ZG16: variants seen among roughly 807,000 people sequenced by gnomAD.
ZG16 encodes the protein zymogen granule membrane protein 16.
A neutral mutation model predicts 15.6 loss-of-function variants in ZG16; 9 were observed. The ratio of observed to expected loss-of-function variants is 0.58; its 90% CI spans 0.35 to 1.00. ZG16 has a LOEUF of 1.00. Ranked by LOEUF, ZG16 falls within the 50% of genes least tolerant of loss-of-function variation. The pLI, the probability that ZG16 is intolerant of heterozygous loss-of-function variation, is 0.02. For missense variants in ZG16, 174 were observed against 214.8 expected (o/e 0.81, Z 1.19); for synonymous variants, 89 against 87.4 (o/e 1.02, Z -0.10).
chr16:29,778,696 A>C (rs235661), intron 1 of ZG16, among the ~76,000 whole-genome samples: 137,607 of 152,138 alleles, frequency 0.9, 63,731 homozygotes, highest in Non-Finnish European at 1. Context: ...CATAGAGGCA[A>C]CTCTAAAATG....
chr16:29,778,748 A>G (rs1254702726), intron 1 of ZG16, among the ~76,000 whole-genome samples: 1 of 152,072 alleles, frequency 6.6e-6, no homozygotes, highest in South Asian at 2.1e-4. Context: ...GATTTAAACC[A>G]TGCTCCAGGT....
intron 1 of ZG16, 57 bp from the exon 2 acceptor site, chr16:29,779,203 A>G: frequency 6.6e-7 from 1 of 1,521,368 alleles, no homozygotes; most frequent in Non-Finnish European, 8.8e-7. Context: ...TGCCTGGGTC[A>G]ATCAAGTCAA....
In ZG16 at chr16:29,780,984, C is replaced by T. The variant is rs916707007; in HGVS notation, c.*565C>T. On this transcript the variant is annotated 3_prime_UTR_variant, in exon 4 of 4. Coordinates refer to ENST00000400752, the MANE Select transcript of ZG16 (RefSeq NM_152338.4). ...TGTTACCAGGCCCAGTTCCTCCTCA[C>T]CTCTACCCATGAGCCCCGGTGTCCT... is the stretch of plus-strand genomic sequence containing the variant. 2 of 152,744 alleles carry T rather than the reference C, an allele frequency of 1.3e-5. No individual in the cohort carries two copies. Among genetic ancestry groups the T allele is most frequent in the African/African-American group, 2.4e-5 (1 of 41,470 alleles). The allele number at this position is 152,744 out of a possible 1,614,324, so 9.5% of individuals were successfully genotyped here.
chr16:29,780,333 C>T lies in ZG16; in HGVS notation c.418C>T (p.Arg140Cys), dbSNP rs751429376. The T allele has an allele frequency of 1.5e-5, 23 of 1,537,256 alleles. No homozygotes were observed. Among genetic ancestry groups the T allele is most frequent in the Admixed American group, 9.8e-5 (5 of 50,970 alleles). The change falls in exon 4 of 4, where the codon CGC becomes TGC. Residue 140 changes from arginine (R) to cysteine (C), a missense_variant. Physicochemically the swap from Arg to Cys is radical, Grantham distance 180. Coordinates refer to ENST00000400752, the MANE Select transcript of ZG16 (RefSeq NM_152338.4). ...CCCCTTGCACCCCAACACCGTGCTC[C>T]GCTTCATCAGTGGCCGGTCTGGTTC... ...AVPLHPNTVL[R>C]FISGRSGSLI... is the part of the protein sequence containing the mutation.
At position 29,781,751 on chromosome 16, in the gene ZG16, T is replaced by A. The variant is rs2142354525; in HGVS notation, c.*1332T>A. The A allele has an allele frequency of 6.6e-6, 1 of 152,176 alleles. No individual in the cohort carries two copies. The highest frequency in any genetic ancestry group is 2.4e-5 in the African/African-American group (1 of 41,498). 9.4% of individuals were successfully genotyped at this position (152,176 alleles called of 1,614,324 possible). ...GAGACAGCACAACTGCACCCCAGCC[T>A]GGATGACAGAGTGAGACTCCATCTA... On this transcript the variant is annotated 3_prime_UTR_variant, in exon 4 of 4. Transcript: ENST00000400752.
In ZG16 at chr16:29,780,449, TGAG is replaced by T. The variant is rs748047510; in HGVS notation, c.*34_*36del. ...CCTCTCCTTGGCAGGGGCACTGTGA[TGAG>T]GAGTAAGAACTCCCTTATCACTAAC... is the stretch of plus-strand genomic sequence containing the variant. On this transcript the variant is annotated 3_prime_UTR_variant, in exon 4 of 4. Coordinates refer to ENST00000400752, the MANE Select transcript of ZG16 (RefSeq NM_152338.4). The T allele has an allele frequency of 2.0e-6, 3 of 1,498,658 alleles. No homozygotes were observed. Among genetic ancestry groups the T allele is most frequent in the Non-Finnish European group, 1.8e-6 (2 of 1,123,854 alleles). 92.8% of individuals were successfully genotyped at this position (1,498,658 alleles called of 1,614,324 possible).
rs1464870719 is a variant in ZG16, at chr16:29,779,605, C to G, written c.156C>G (p.Leu52=). 1 of 1,536,956 alleles carries G rather than the reference C, an allele frequency of 6.5e-7. No individual in the cohort carries two copies. Among genetic ancestry groups the G allele is most frequent in the Non-Finnish European group, 8.7e-7 (1 of 1,146,886 alleles). ...GNQLDGPITA[L]RVRVNTYYIV... is the part of the protein sequence containing the mutation. ...AGTTGGACGGCCCCATCACCGCCCT[C>G]CGGGTCCGAGTCAACACATACTACA... is the stretch of plus-strand genomic sequence containing the variant. The change falls in exon 3 of 4, where the codon CTC becomes CTG. Residue 52 remains leucine, a synonymous_variant. Coordinates refer to ENST00000400752, the MANE Select transcript of ZG16 (RefSeq NM_152338.4).
At position 29,781,157 on chromosome 16, in the gene ZG16, T is replaced by C. The variant is rs1285817006; in HGVS notation, c.*738T>C. The C allele has an allele frequency of 1.3e-5, 2 of 152,204 alleles. No individual in the cohort carries two copies. Among genetic ancestry groups the C allele is most frequent in the Non-Finnish European group, 2.9e-5 (2 of 68,080 alleles). The allele number at this position is 152,204 out of a possible 1,614,324, so 9.4% of individuals were successfully genotyped here. ...GGAGGCTGACACTAGGCTGAACTCA[T>C]TAAGGAATGAATGGGAGGTGAGAAG... is the stretch of plus-strand genomic sequence containing the variant. On this transcript the variant is annotated 3_prime_UTR_variant, in exon 4 of 4. Transcript: ENST00000400752.
Position 29,779,565 on chromosome 16 carries a change from C to G in ZG16, c.116C>G (p.Ser39Cys). 6.5e-7 allele frequency: 1 copy of G among 1,537,246 alleles called. No individual in the cohort carries two copies. Among genetic ancestry groups the G allele is most frequent in the Non-Finnish European group, 8.7e-7 (1 of 1,146,926 alleles). Residue 39 changes from serine to cysteine, a missense_variant, in exon 3 of 4, where the codon TCT (serine) becomes TGT (cysteine). Transcript: ENST00000400752. ...GGAGGTGGTGGTGGAAAGCGATTCT[C>G]TCATTCTGGCAACCAGTTGGACGGC... is the stretch of plus-strand genomic sequence containing the variant. ...EYGGGGGKRF[S>C]HSGNQLDGPI...
intron 1 of ZG16, 37 bp from the exon 2 acceptor site, chr16:29,779,223 A>G (rs1898592124): frequency 6.5e-7 from 1 of 1,534,546 alleles, no homozygotes; most frequent in East Asian, 2.4e-5. Context: ...ACAAGGAAGA[A>G]GGTGAATCTT....
At position 29,779,302 on chromosome 16, in the gene ZG16, C is replaced by T; in HGVS notation, c.36C>T (p.Ala12=). 1 of 1,537,774 alleles carries T rather than the reference C, an allele frequency of 6.5e-7. No homozygotes were observed. The highest frequency in any genetic ancestry group is 1.2e-5 in the South Asian group (1 of 84,064). The change falls in exon 2 of 4, where the codon GCC becomes GCT. Residue 12 remains alanine, a synonymous_variant. Coordinates refer to ENST00000400752, the MANE Select transcript of ZG16 (RefSeq NM_152338.4). The part of the protein sequence containing the change: ...LTVALLALLC[A]SASGNAIQAR... ...TCGCTCTCCTAGCCCTTCTCTGTGCCTCAGCCTCTGGCAATGCCAGTAAGT... is the reference window on the plus strand; with the variant it reads ...TCGCTCTCCTAGCCCTTCTCTGTGCTTCAGCCTCTGGCAATGCCAGTAAGT...
rs1448184421 is a variant in ZG16, at chr16:29,780,261, C to T, written c.346C>T (p.Arg116Cys). The stretch of plus-strand genomic sequence containing the variant: ...GCTGGTATTTGTGACAGACAAGGGC[C>T]GCTATCTGTCTTTTGGGAAAGACAG... ...KKLVFVTDKGRYLSFGKDSGT... is the reference protein window; with the variant it reads ...KKLVFVTDKGCYLSFGKDSGT... The change falls in exon 4 of 4, where the codon CGC becomes TGC. Residue 116 changes from arginine (R) to cysteine (C), a missense_variant. By Grantham distance (180) the Arg-to-Cys change is radical. Transcript: ENST00000400752. 17 of 1,537,302 alleles carry T rather than the reference C, an allele frequency of 1.1e-5. No homozygotes were observed. Among genetic ancestry groups the T allele is most frequent in the East Asian group, 7.3e-5 (3 of 40,914 alleles).
rs1898605659 is a variant in ZG16, at chr16:29,780,116, C to T, written c.201C>T (p.Arg67=). ...NTYYIVGLQV[R]YGKVWSDYVG... ...CCCTCTTCCTCAGTCTTCAGGTGCGCTATGGCAAGGTGTGGAGCGACTATG... is the reference window on the plus strand; with the variant it reads ...CCCTCTTCCTCAGTCTTCAGGTGCGTTATGGCAAGGTGTGGAGCGACTATG... Residue 67 remains arginine (R), a synonymous_variant, in exon 4 of 4, where the codon CGC becomes CGT. Coordinates refer to ENST00000400752, the MANE Select transcript of ZG16 (RefSeq NM_152338.4). 9.8e-6 allele frequency: 15 copies of T among 1,536,378 alleles called. No homozygotes were observed. Among genetic ancestry groups the T allele is most frequent in the Non-Finnish European group, 1.3e-5 (15 of 1,146,272 alleles).
rs1406905923 is a variant in ZG16, at chr16:29,782,151, C to A, written c.*1732C>A. On this transcript the variant is annotated 3_prime_UTR_variant, in exon 4 of 4. Coordinates refer to ENST00000400752, the MANE Select transcript of ZG16 (RefSeq NM_152338.4). ...ATCCCTCATCACTGCCAATACGGGG[C>A]TAGCAATATGTCTGCCCCAGTGAAT... 6.6e-6 allele frequency: 1 copy of A among 152,220 alleles called. No homozygotes were observed. The allele number at this position is 152,220 out of a possible 1,614,324, so 9.4% of individuals were successfully genotyped here.
chr16:29,782,856 C>T lies in ZG16; in HGVS notation c.*2437C>T, dbSNP rs1470796546. On this transcript the variant is annotated 3_prime_UTR_variant, in exon 4 of 4. Coordinates refer to ENST00000400752, the MANE Select transcript of ZG16 (RefSeq NM_152338.4). ...AAGATTTCATGGACATTTACCAGTTCCCAAAATTAATACTTTTATACTTTC... is the reference window on the plus strand; with the variant it reads ...AAGATTTCATGGACATTTACCAGTTTCCAAAATTAATACTTTTATACTTTC... 1.3e-5 allele frequency: 2 copies of T among 152,310 alleles called. No individual in the cohort carries two copies. Among genetic ancestry groups the T allele is most frequent in the Non-Finnish European group, 2.9e-5 (2 of 68,030 alleles). 9.4% of individuals were successfully genotyped at this position (152,310 alleles called of 1,614,324 possible).
In ZG16 at chr16:29,780,508, T is replaced by C. The variant is rs1220546774; in HGVS notation, c.*89T>C. The C allele has an allele frequency of 9.2e-6, 11 of 1,201,504 alleles. No homozygotes were observed. Among genetic ancestry groups the C allele is most frequent in the Admixed American group, 2.7e-5 (1 of 36,798 alleles). The allele number at this position is 1,201,504 out of a possible 1,614,324, so 74.4% of individuals were successfully genotyped here. A position where few individuals can be genotyped will look rare whatever the true frequency, so the allele number is the denominator to read the frequency against. On this transcript the variant is annotated 3_prime_UTR_variant, in exon 4 of 4. Coordinates refer to ENST00000400752, the MANE Select transcript of ZG16 (RefSeq NM_152338.4). Reference sequence around the variant, plus strand: ...TCCAAATGGCTCAATAAAAAAAATATGGTTAAGGCTAGTCTGTGTGGGGGC... The same window carrying C: ...TCCAAATGGCTCAATAAAAAAAATACGGTTAAGGCTAGTCTGTGTGGGGGC...
In ZG16 at chr16:29,780,234, A is replaced by G. The variant is rs1174356272; in HGVS notation, c.319A>G (p.Lys107Glu). 1.3e-6 allele frequency: 2 copies of G among 1,537,452 alleles called. No individual in the cohort carries two copies. The highest frequency in any genetic ancestry group is 4.9e-5 in the East Asian group (2 of 40,904). ...VSGKYKWYLK[K>E]LVFVTDKGRY... ...TGGGAAGTACAAGTGGTACCTGAAGAAGCTGGTATTTGTGACAGACAAGGG... is the reference window on the plus strand; with the variant it reads ...TGGGAAGTACAAGTGGTACCTGAAGGAGCTGGTATTTGTGACAGACAAGGG... The change falls in exon 4 of 4, where the codon AAG becomes GAG. Residue 107 changes from lysine to glutamate, a missense_variant. Coordinates refer to ENST00000400752, the MANE Select transcript of ZG16 (RefSeq NM_152338.4).
Position 29,782,523 on chromosome 16 carries a change from T to C in ZG16, c.*2104T>C, listed in dbSNP as rs1898634717. ...TTGAAGGTCTCAGTGTGTATGCAGG[T>C]CCTGAAAAGTTCAAGTCCCACCTGA... On this transcript the variant is annotated 3_prime_UTR_variant, in exon 4 of 4. Coordinates refer to ENST00000400752, the MANE Select transcript of ZG16 (RefSeq NM_152338.4). 1 of 152,144 alleles carries C rather than the reference T, an allele frequency of 6.6e-6. No individual in the cohort carries two copies. Among genetic ancestry groups the C allele is most frequent in the Non-Finnish European group, 1.5e-5 (1 of 68,022 alleles). The allele number at this position is 152,144 out of a possible 1,614,324, so 9.4% of individuals were successfully genotyped here.
rs1349264659 is a variant in ZG16, at chr16:29,780,167, G to A, written c.252G>A (p.Glu84=). 1.3e-6 allele frequency: 2 copies of A among 1,537,308 alleles called. No individual in the cohort carries two copies. Among genetic ancestry groups the A allele is most frequent in the East Asian group, 2.4e-5 (1 of 40,920 alleles). ...TGGGTGGTCGCAACGGAGACCTGGA[G>A]GAGATCTTTCTGCACCCTGGGGAAT... ...DYVGGRNGDL[E]EIFLHPGESV... is the part of the protein sequence containing the mutation. The change falls in exon 4 of 4, where the codon GAG becomes GAA. Residue 84 remains glutamate, a synonymous_variant. Coordinates refer to ENST00000400752, the MANE Select transcript of ZG16 (RefSeq NM_152338.4).
Sources: allele counts gnomAD v4.1 joint callset (sites outside exome capture counted in the v4.1 genomes callset), GRCh38; gene constraint gnomAD v4.1.1; transcripts MANE v1.5; gene names NCBI Gene and HGNC (gene_info 2026-07-23, HGNC 2026-07-21).